STK39: variants seen among roughly 807,000 people sequenced by gnomAD.
STK39 encodes the protein serine/threonine kinase 39, also known as STE20/SPS1-related proline-alanine-rich protein kinase.
A neutral mutation model predicts 77.8 loss-of-function variants in STK39; 20 were observed. The observed-to-expected ratio is 0.26, with a 90% CI of 0.18 to 0.37. The LOEUF is 0.37. Ranked by LOEUF, STK39 falls within the 10% of genes least tolerant of loss-of-function variation. The pLI, the probability that STK39 is intolerant of heterozygous loss-of-function variation, is 1.00. For synonymous variants in STK39, 246 were observed against 234.1 expected (o/e 1.05, Z -0.47); for missense variants, 479 against 656.5 (o/e 0.73, Z 2.95).
chr2:168,049,275 G>T (rs1685332806), intron 14 of STK39, among the ~76,000 whole-genome samples: 1 of 152,190 alleles, frequency 6.6e-6, no homozygotes, highest in African/African-American at 2.4e-5. Context: ...GAGGCAGAGA[G>T]ATAGATAAGC....
intron 1 of STK39, among the ~76,000 whole-genome samples, chr2:168,224,318 T>C (rs1219479408): frequency 1.9e-4 from 29 of 152,116 alleles, no homozygotes; most frequent in Admixed American, 1.5e-3. Context: ...ATAATGCTTA[T>C]AAAGACCCAT....
At chr2:168,135,987 ATTT>A (rs5836172) in intron 8 of STK39, among the ~76,000 whole-genome samples, 1 of 146,688 alleles carries the variant, frequency 6.8e-6, no homozygotes, top group African/African-American at 2.5e-5. Flanking sequence ...CTTCTAAAGG[ATTT>A]TTTTTTTTTT....
At position 168,003,724 on chromosome 2, in the gene STK39, A is replaced by G. The variant is rs80021163; in HGVS notation, c.1498+8910T>C. Among the ~76,000 whole-genome samples, 1,318 of 152,350 alleles carry G rather than the reference A, an allele frequency of 8.7e-3. 16 individuals carry two copies. Among genetic ancestry groups the G allele is most frequent in the African/African-American group, 0.03 (1,245 of 41,584 alleles). Reference sequence around the variant, plus strand: ...AATCAGGAATCACTCAGCTGTATTTATTGACATAATTCAACTAACCACAAG... The same window carrying G: ...AATCAGGAATCACTCAGCTGTATTTGTTGACATAATTCAACTAACCACAAG... On this transcript the variant is annotated intron_variant, in intron 16 of 17. Transcript: ENST00000355999.
chr2:167,993,743 G>A (rs1683762277), intron 16 of STK39, among the ~76,000 whole-genome samples: 1 of 152,170 alleles, frequency 6.6e-6, no homozygotes, highest in Non-Finnish European at 1.5e-5. Flanking sequence ...AATTGAAAGT[G>A]CAGTTTCTCC....
At chr2:168,133,837 G>A (rs1687763334) in intron 8 of STK39, among the ~76,000 whole-genome samples, 1 of 147,338 alleles carries the variant, frequency 6.8e-6, no homozygotes, top group Non-Finnish European at 1.5e-5. Context: ...CAGCCTGGGT[G>A]ACAAAGCGAG....
intron 14 of STK39, among the ~76,000 whole-genome samples, chr2:168,055,269 T>G (rs1685494801): frequency 6.6e-6 from 1 of 152,224 alleles, no homozygotes; most frequent in East Asian, 1.9e-4. Context: ...AATGATGGAA[T>G]TAGAATTCTG....
At chr2:168,076,064 A>T (rs1574444050) in intron 10 of STK39, among the ~76,000 whole-genome samples, 2 of 152,334 alleles carry the variant, frequency 1.3e-5, no homozygotes, top group East Asian at 1.9e-4. Flanking sequence ...TAATTTGCTT[A>T]AAAAATTTAC....
chr2:168,192,397 A>G (rs1689360933), intron 1 of STK39, among the ~76,000 whole-genome samples: 1 of 152,228 alleles, frequency 6.6e-6, no homozygotes, highest in Non-Finnish European at 1.5e-5. Context: ...AGCTCCATTA[A>G]CAATAGCCAG....
At chr2:168,027,061 G>C (rs879336570) in intron 14 of STK39, among the ~76,000 whole-genome samples, 2 of 152,160 alleles carry the variant, frequency 1.3e-5, no homozygotes, top group East Asian at 1.9e-4. Flanking sequence ...TTATATACTA[G>C]AGGAAAAAAG....
At chr2:168,242,901 A>AC (rs1164185923) in intron 1 of STK39, among the ~76,000 whole-genome samples, 1 of 151,494 alleles carries the variant, frequency 6.6e-6, no homozygotes, top group Non-Finnish European at 1.5e-5. Context: ...TCAAAAAAAA[A>AC]AAAATACAAA....
At chr2:167,965,107 AGG>A (rs1692113110) in intron 16 of STK39, among the ~76,000 whole-genome samples, 1 of 121,800 alleles carries the variant, frequency 8.2e-6, no homozygotes, top group Non-Finnish European at 2.0e-5. Flanking sequence ...CAAAACAAAG[AGG>A]AGAGGTAGTG....
At chr2:168,012,150 T>G (rs1684286130) in intron 16 of STK39, among the ~76,000 whole-genome samples, 1 of 152,148 alleles carries the variant, frequency 6.6e-6, no homozygotes, top group Non-Finnish European at 1.5e-5. Flanking sequence ...TGAGACAGGA[T>G]TACATTAAGA....
intron 1 of STK39, among the ~76,000 whole-genome samples, chr2:168,238,235 C>T (rs964357703): frequency 6.6e-6 from 1 of 152,202 alleles, no homozygotes; most frequent in African/African-American, 2.4e-5. Context: ...AAAATACTCC[C>T]TGAATGAAGA....
chr2:168,237,167 T>G (rs1184354890), intron 1 of STK39, among the ~76,000 whole-genome samples: 1 of 152,202 alleles, frequency 6.6e-6, no homozygotes, highest in East Asian at 1.9e-4. Flanking sequence ...TCACATCCCT[T>G]GTAAGCTGGA....
chr2:168,119,913 C>T (rs1687360945), intron 10 of STK39, among the ~76,000 whole-genome samples: 1 of 152,126 alleles, frequency 6.6e-6, no homozygotes, highest in South Asian at 2.1e-4. Context: ...TGGTAACAAA[C>T]TGGGATACTG....
intron 10 of STK39, among the ~76,000 whole-genome samples, chr2:168,123,418 T>A (rs1374046232): frequency 6.6e-6 from 1 of 152,320 alleles, no homozygotes; most frequent in Admixed American, 6.5e-5. Context: ...TCCTTGTTTT[T>A]AGGAAATATA....
chr2:168,032,485 C>A (rs1252671462), intron 14 of STK39, among the ~76,000 whole-genome samples: 1 of 152,192 alleles, frequency 6.6e-6, no homozygotes, highest in Non-Finnish European at 1.5e-5. Flanking sequence ...CAATTTCCTT[C>A]ATAATGGTTT....
chr2:167,954,768 C>G lies in STK39; in HGVS notation c.*728G>C, dbSNP rs914882717. The G allele has an allele frequency of 6.6e-6, 1 of 152,568 alleles. No individual in the cohort carries two copies. The highest frequency in any genetic ancestry group is 1.9e-4 in the East Asian group (1 of 5,190). 9.5% of individuals were successfully genotyped at this position (152,568 alleles called of 1,614,324 possible). ...GATTGTAAATTGGTTTTTAGGCAAA[C>G]AGACTAAAAGAATAAGCATCCAAAT... On this transcript the variant is annotated 3_prime_UTR_variant, in exon 18 of 18. Coordinates refer to ENST00000355999, the MANE Select transcript of STK39 (RefSeq NM_013233.3).
chr2:168,018,534 AAAGAAAAGAAAGAAAGAAAGAAAGAAAG>A (rs1684479326), intron 14 of STK39, among the ~76,000 whole-genome samples: 2 of 73,636 alleles, frequency 2.7e-5, no homozygotes, highest in African/African-American at 1.5e-4. Context: ...GAAAGAAAAG[AAAGAAAAGAAAGAAAGAAAGAAAGAAAG>A]AAAGAAAGAA....
Sources: allele counts gnomAD v4.1 joint callset (sites outside exome capture counted in the v4.1 genomes callset), GRCh38; gene constraint gnomAD v4.1.1; transcripts MANE v1.5; gene names NCBI Gene and HGNC (gene_info 2026-07-23, HGNC 2026-07-21).